CDH18: variants seen among roughly 807,000 people sequenced by gnomAD.
CDH18 encodes the protein cadherin-18.
In CDH18, 31 loss-of-function variants were observed where a neutral mutation model predicts 67.9. The ratio of observed to expected loss-of-function variants is 0.46; its 90% CI spans 0.34 to 0.62. The LOEUF (loss-of-function observed/expected upper bound fraction) is 0.62, where lower values mean the gene tolerates loss of function less well. CDH18 is among the 20% of genes least tolerant of loss of function. The pLI is 0.01. For synonymous variants in CDH18, 362 were observed against 347.2 expected (o/e 1.04, Z -0.48); for missense variants, 890 against 975.5 (o/e 0.91, Z 1.17).
chr5:20,304,362 T>A, intron 1 of CDH18: 1 of 1,505,226 alleles, frequency 6.6e-7, no homozygotes, highest in South Asian at 1.1e-5. Context: ...TAAAATAGTT[T>A]ACACTTTTTG....
intron 2 of CDH18, among the ~76,000 whole-genome samples, chr5:19,906,752 T>C (rs1170709226): frequency 1.3e-5 from 2 of 151,928 alleles, no homozygotes; most frequent in African/African-American, 4.8e-5. Flanking sequence ...CATTGCAACA[T>C]TCTAAGGTCA....
chr5:19,636,948 CTT>C (rs962458133), intron 5 of CDH18, among the ~76,000 whole-genome samples: 41 of 152,212 alleles, frequency 2.7e-4, no homozygotes, highest in Admixed American at 7.8e-4. Flanking sequence ...TGATTCTTCT[CTT>C]TAAGCGAGAA....
intron 5 of CDH18, among the ~76,000 whole-genome samples, chr5:19,716,420 T>TATTATTATA (rs1561129652): frequency 1.3e-5 from 2 of 152,070 alleles, no homozygotes; most frequent in African/African-American, 4.8e-5. Flanking sequence ...ATAACGTGAC[T>TATTATTATA]CCAAATAGTA....
chr5:19,874,058 T>C (rs1399420316), intron 2 of CDH18, among the ~76,000 whole-genome samples: 2 of 152,248 alleles, frequency 1.3e-5, no homozygotes, highest in African/African-American at 4.8e-5. Flanking sequence ...AGGGCATGTA[T>C]ACACTCAGAA....
chr5:19,850,692 T>C (rs548640220), intron 2 of CDH18, among the ~76,000 whole-genome samples: 9 of 151,990 alleles, frequency 5.9e-5, no homozygotes, highest in African/African-American at 1.7e-4. Context: ...TATTTTGCTT[T>C]CAGTCTCCCA....
intron 1 of CDH18, among the ~76,000 whole-genome samples, chr5:20,493,393 A>T (rs201138964): frequency 8.5e-6 from 1 of 118,098 alleles, no homozygotes; most frequent in African/African-American, 3.1e-5. Flanking sequence ...AAAGCAAAGA[A>T]TTTTTTGTTT....
At position 20,095,436 on chromosome 5, in the gene CDH18, AAAGAAAGAAAAG is replaced by A. The variant is rs1332598108; in HGVS notation, c.-517-103434_-517-103423del. Among the ~76,000 whole-genome samples, 14 of 142,858 alleles carry A rather than the reference AAAGAAAGAAAAG, an allele frequency of 9.8e-5. 1 individual carries two copies. The East Asian group carries it at 1.2e-3, about 13-fold the overall frequency. 93.7% of individuals were successfully genotyped at this position (142,858 alleles called of 152,430 possible). The stretch of plus-strand genomic sequence containing the variant: ...GAAAGAAAGAAAGAAAGAAAGAAAG[AAAGAAAGAAAAG>A]AAAGAAAGAAAGAAGAAAGAAGGAA... On this transcript the variant is annotated intron_variant, in intron 2 of 14. Transcript: ENST00000507958.
chr5:19,489,239 CTTT>C (rs796445512), intron 11 of CDH18, among the ~76,000 whole-genome samples: 5 of 139,668 alleles, frequency 3.6e-5, no homozygotes, highest in Non-Finnish European at 7.8e-5. Context: ...AGTGTTTGTT[CTTT>C]TTTTTTTCTT....
chr5:20,253,152 A>G (rs1364127637), intron 2 of CDH18, among the ~76,000 whole-genome samples: 1 of 152,192 alleles, frequency 6.6e-6, no homozygotes, highest in Non-Finnish European at 1.5e-5. Flanking sequence ...ACCAAAAATT[A>G]TCTTGCTAAT....
intron 2 of CDH18, among the ~76,000 whole-genome samples, chr5:19,920,803 T>C (rs916431104): frequency 3.3e-5 from 5 of 151,710 alleles, no homozygotes; most frequent in African/African-American, 9.7e-5. Flanking sequence ...TAAGCCACCG[T>C]GCCCGGCCCC....
rs551557363 is a variant in CDH18, at chr5:20,512,095, C to T, written c.-580+63367G>A. 2.0e-4 allele frequency among the ~76,000 whole-genome samples: 31 copies of T among 151,826 alleles called. 1 individual carries two copies. The highest frequency in any genetic ancestry group is 1.6e-3 in the Admixed American group (24 of 15,222). ...AAAATTAGTTGGGTGTGCTGGCAGG[C>T]GCATGTAATCCCAGCTACTCGGGAG... On this transcript the variant is annotated intron_variant, in intron 1 of 14. Transcript: ENST00000507958.
intron 2 of CDH18, among the ~76,000 whole-genome samples, chr5:20,133,346 T>C (rs1367165816): frequency 2.0e-5 from 3 of 152,104 alleles, no homozygotes; most frequent in African/African-American, 7.2e-5. Context: ...AGAGAGTGTG[T>C]GCGGATGAAC....
In CDH18 at chr5:19,483,594, C is replaced by A. The variant is rs369952715; in HGVS notation, c.1631-42G>T. 3 of 1,531,548 alleles carry A rather than the reference C, an allele frequency of 2.0e-6. No individual in the cohort carries two copies. The African/African-American group carries it at 4.1e-5, about 21-fold the overall frequency. 94.9% of individuals were successfully genotyped at this position (1,531,548 alleles called of 1,614,324 possible). On this transcript the variant is annotated intron_variant, in intron 11 of 12. Coordinates refer to ENST00000382275, the MANE Select transcript of CDH18 (RefSeq NM_004934.5). ...CAAAACAAAATACACTTAGTCAAGC[C>A]GCCATTCAAGATTCACATTTCCTTT...
intron 1 of CDH18, among the ~76,000 whole-genome samples, chr5:20,442,902 C>T (rs1211901082): frequency 6.6e-6 from 1 of 151,904 alleles, no homozygotes; most frequent in African/African-American, 2.4e-5. Context: ...GATACTACTT[C>T]ACAAGTTAAT....
At chr5:20,083,950 GC>G (rs1744713812) in intron 2 of CDH18, among the ~76,000 whole-genome samples, 4 of 152,092 alleles carry the variant, frequency 2.6e-5, no homozygotes, top group African/African-American at 9.7e-5. Flanking sequence ...TGGGGACACA[GC>G]CAAACCACAT....
At chr5:20,234,554 C>G (rs1470109560) in intron 2 of CDH18, among the ~76,000 whole-genome samples, 2 of 152,034 alleles carry the variant, frequency 1.3e-5, no homozygotes, top group African/African-American at 4.8e-5. Flanking sequence ...AACCAGAAAG[C>G]AGGCCCTGAG....
intron 1 of CDH18, among the ~76,000 whole-genome samples, chr5:20,461,370 T>A (rs1011117956): frequency 2.0e-5 from 3 of 152,168 alleles, no homozygotes; most frequent in African/African-American, 7.2e-5. Context: ...AGACATCTTC[T>A]TCAACTACAA....
intron 2 of CDH18, among the ~76,000 whole-genome samples, chr5:19,965,677 C>T (rs554308735): frequency 6.0e-4 from 92 of 152,228 alleles, no homozygotes; most frequent in South Asian, 3.9e-3. Context: ...TCAACAGTTT[C>T]ACTGTCCTGA....
At chr5:20,502,877 G>A (rs1754417956) in intron 1 of CDH18, among the ~76,000 whole-genome samples, 2 of 152,236 alleles carry the variant, frequency 1.3e-5, no homozygotes, top group South Asian at 4.1e-4. Flanking sequence ...AGAACCTTAA[G>A]TGATCTTAGA....
Sources: gnomAD v4.1 joint callset for allele counts (sites outside exome capture counted in the v4.1 genomes callset) on GRCh38, gnomAD v4.1.1 for gene constraint, MANE v1.5 for transcripts, NCBI Gene and HGNC (gene_info 2026-07-23, HGNC 2026-07-21) for gene names.